The following RYR2 variants were observed in gnomAD, a reference collection of about 807,000 sequenced individuals.
The protein encoded by RYR2 is cardiac muscle ryanodine receptor-calcium release channel.
RYR2 carries 227 observed loss-of-function variants against 601.1 expected under a neutral mutation model. That is an observed-to-expected ratio of 0.38 (90% confidence interval 0.34 to 0.42). The LOEUF (loss-of-function observed/expected upper bound fraction) is 0.42, where lower values mean the gene tolerates loss of function less well. Ranked by LOEUF, RYR2 falls within the 10% of genes least tolerant of loss-of-function variation. RYR2 has a pLI of 1.00. For missense variants in RYR2, 4,646 were observed against 6,156.5 expected (o/e 0.75, Z 8.21); for synonymous variants, 2,223 against 2,175.1 (o/e 1.02, Z -0.61).
rs777414943 is a variant in RYR2, at chr1:237,809,024, G to A, written c.14422G>A (p.Asp4808Asn). The A allele has an allele frequency of 6.2e-6, 10 of 1,612,872 alleles. No individual in the cohort carries two copies. The highest frequency in any genetic ancestry group is 3.3e-5 in the Admixed American group (2 of 59,936). The change falls in exon 100 of 105, where the codon GAT becomes AAT. Residue 4808 changes from aspartate (D) to asparagine (N), a missense_variant. Asp to Asn is a conservative substitution (Grantham distance 23). This residue lies in a region of RYR2 where 55 missense variants were observed against 204.7 expected (regional missense o/e 0.27). Coordinates refer to ENST00000366574, the MANE Select transcript of RYR2 (RefSeq NM_001035.3). Reference protein sequence around the residue: ...DGDTPDMKCDDMLTCYMFHMY... With the variant: ...DGDTPDMKCDNMLTCYMFHMY... ...TGATACACCAGATATGAAATGTGAC[G>A]ATATGCTAACAGTAAGTTCATAACC... is the stretch of plus-strand genomic sequence containing the variant.
At chr1:237,667,482 T>G (rs1684429834) in intron 57 of RYR2, among the ~76,000 whole-genome samples, 1 of 152,204 alleles carries the variant, frequency 6.6e-6, no homozygotes, top group African/African-American at 2.4e-5. Flanking sequence ...AGAGATTGAT[T>G]TAGAAATCAA....
chr1:237,757,598 G>A (rs980005967), intron 81 of RYR2, 99 bp from the exon 82 acceptor site: 10 of 762,386 alleles, frequency 1.3e-5, no homozygotes, highest in Non-Finnish European at 2.1e-5. Flanking sequence ...TTGCCTGGGG[G>A]GGCATAATAA....
At chr1:237,302,494 A>C (rs911475393) in intron 2 of RYR2, among the ~76,000 whole-genome samples, 3 of 152,230 alleles carry the variant, frequency 2.0e-5, no homozygotes, top group Non-Finnish European at 2.9e-5. Flanking sequence ...CCATTCTTAT[A>C]ACCAGTTCCT....
At chr1:237,461,894 A>T (rs1211911485) in intron 16 of RYR2, among the ~76,000 whole-genome samples, 1 of 152,078 alleles carries the variant, frequency 6.6e-6, no homozygotes, top group African/African-American at 2.4e-5. Context: ...TATAGTGAGC[A>T]TCAATTTCAT....
chr1:237,565,157 CTCTT>C (rs771045857), intron 27 of RYR2, among the ~76,000 whole-genome samples: 2,304 of 52,498 alleles, frequency 0.044, 77 homozygotes, highest in Middle Eastern at 0.1. Context: ...TTCTTTCTTT[CTCTT>C]TCTTTCTTTC....
intron 10 of RYR2, among the ~76,000 whole-genome samples, chr1:237,392,473 A>C (rs1702466894): frequency 6.6e-6 from 1 of 152,158 alleles, no homozygotes; most frequent in African/African-American, 2.4e-5. Context: ...AAACATTAAA[A>C]ATAAAAACTT....
chr1:237,579,571 A>G (rs1321432255), intron 29 of RYR2, among the ~76,000 whole-genome samples: 1 of 152,204 alleles, frequency 6.6e-6, no homozygotes, highest in African/African-American at 2.4e-5. Flanking sequence ...TACTTCTTAA[A>G]GCACACTCAT....
chr1:237,743,869 A>G (rs373729065), intron 80 of RYR2, among the ~76,000 whole-genome samples: 74 of 152,358 alleles, frequency 4.9e-4, no homozygotes, highest in African/African-American at 1.7e-3. Flanking sequence ...TTTGAGCTGC[A>G]TACTGTGCTG....
At chr1:237,534,538 A>T (rs1263673720) in intron 25 of RYR2, among the ~76,000 whole-genome samples, 1 of 152,056 alleles carries the variant, frequency 6.6e-6, no homozygotes, top group Non-Finnish European at 1.5e-5. Context: ...TTAGACACTG[A>T]TATCGTAAAG....
intron 1 of RYR2, among the ~76,000 whole-genome samples, chr1:237,247,175 C>T (rs1391747204): frequency 6.6e-6 from 1 of 152,142 alleles, no homozygotes; most frequent in East Asian, 1.9e-4. Flanking sequence ...CCTAATTTTT[C>T]TATGAGACTG....
In RYR2 at chr1:237,781,643, GA is replaced by G; in HGVS notation, c.11961del (p.Gly3988ValfsTer25). 6.4e-7 allele frequency: 1 copy of G among 1,550,392 alleles called. No individual in the cohort carries two copies. Among genetic ancestry groups the G allele is most frequent in the Non-Finnish European group, 8.8e-7 (1 of 1,131,446 alleles). ...GGTGGTCATGTTGCTGTCCATGTTAGAAGGTAGTTTTGATTTATACTTTTAA... is the reference window on the plus strand; with the variant it reads ...GGTGGTCATGTTGCTGTCCATGTTAGAGGTAGTTTTGATTTATACTTTTAA... Reference protein sequence around the residue: ...DMVVMLLSMLEGNVVNGTIGK... With the variant: ...DMVVMLLSMLXGNVVNGTIGK... On this transcript the variant is annotated frameshift_variant and splice_region_variant, in exon 89 of 105. Coordinates refer to ENST00000366574, the MANE Select transcript of RYR2 (RefSeq NM_001035.3). LOFTEE classifies it high-confidence loss of function.
chr1:237,828,890 G>A (rs1424724270), intron 102 of RYR2, among the ~76,000 whole-genome samples: 1 of 152,132 alleles, frequency 6.6e-6, no homozygotes. Context: ...AAGTCTGTGG[G>A]TTTGATAAGG....
intron 10 of RYR2, among the ~76,000 whole-genome samples, chr1:237,388,955 T>TTA (rs1252358454): frequency 3.3e-5 from 5 of 152,068 alleles, no homozygotes; most frequent in Admixed American, 2.6e-4. Context: ...TTTTTATAAT[T>TTA]TAATAAAAAT....
chr1:237,792,797 C>G (rs1658625189), intron 94 of RYR2, among the ~76,000 whole-genome samples: 1 of 152,172 alleles, frequency 6.6e-6, no homozygotes, highest in Admixed American at 6.5e-5. Context: ...CCCACTATGT[C>G]TCATGGTAAT....
intron 1 of RYR2, among the ~76,000 whole-genome samples, chr1:237,052,325 G>A (rs1281210348): frequency 6.6e-6 from 1 of 152,202 alleles, no homozygotes; most frequent in Non-Finnish European, 1.5e-5. Flanking sequence ...GATGATGGAT[G>A]TGGTCATGAT....
At chr1:237,587,313 C>G (rs1045379399) in intron 29 of RYR2, among the ~76,000 whole-genome samples, 9 of 152,050 alleles carry the variant, frequency 5.9e-5, no homozygotes, top group Non-Finnish European at 1.0e-4. Flanking sequence ...ATGTCCACAC[C>G]ACTCTTACAA....
At chr1:237,351,356 G>A (rs1300621753) in intron 3 of RYR2, among the ~76,000 whole-genome samples, 1 of 152,010 alleles carries the variant, frequency 6.6e-6, no homozygotes, top group Non-Finnish European at 1.5e-5. Flanking sequence ...TAGAATTTAT[G>A]TAGAAAGCAG....
chr1:237,238,472 C>CAGG (rs1270119200), intron 1 of RYR2, among the ~76,000 whole-genome samples: 1 of 152,212 alleles, frequency 6.6e-6, no homozygotes, highest in Non-Finnish European at 1.5e-5. Flanking sequence ...CACATGTTCT[C>CAGG]AGGACCTCCT....
At chr1:237,779,520 A>T (rs1433866760) in intron 88 of RYR2, among the ~76,000 whole-genome samples, 1 of 152,224 alleles carries the variant, frequency 6.6e-6, no homozygotes, top group African/African-American at 2.4e-5. Context: ...GAATGCTGTC[A>T]TTCTAATTCC....
Sources: gnomAD v4.1 joint callset for allele counts (sites outside exome capture counted in the v4.1 genomes callset) on GRCh38, gnomAD v4.1.1 for gene constraint, gnomAD v4.1.1 regional missense constraint, MANE v1.5 for transcripts, NCBI Gene and HGNC (gene_info 2026-07-23, HGNC 2026-07-21) for gene names.